TXNDC8: variants seen among roughly 807,000 people sequenced by gnomAD.
The protein encoded by TXNDC8 is thioredoxin domain containing 8, also known as thioredoxin domain-containing protein 8.
Under a neutral mutation model 12.9 loss-of-function variants are expected in TXNDC8, and 15 were observed. The ratio of observed to expected loss-of-function variants is 1.16; its 90% CI spans 0.78 to 1.79. The LOEUF (loss-of-function observed/expected upper bound fraction) is 1.79, where lower values mean the gene tolerates loss of function less well. TXNDC8 is among the 40% of genes most tolerant of loss of function. The probability of loss-of-function intolerance (pLI) is 0.00; values close to 1 mark genes in which losing one functional copy is unlikely to be tolerated. For missense variants in TXNDC8, 128 were observed against 113.2 expected (o/e 1.13, Z -0.59); for synonymous variants, 40 against 35.4 (o/e 1.13, Z -0.46).
chr9:110,328,353 G>T (rs1044255745), intron 2 of TXNDC8, among the ~76,000 whole-genome samples: 1 of 152,192 alleles, frequency 6.6e-6, no homozygotes, highest in Middle Eastern at 3.4e-3. Flanking sequence ...ATTATTTTTT[G>T]GGGGGATGGG....
At chr9:110,326,576 C>T (rs1246385908) in intron 2 of TXNDC8, among the ~76,000 whole-genome samples, 1 of 151,940 alleles carries the variant, frequency 6.6e-6, no homozygotes, top group Non-Finnish European at 1.5e-5. Flanking sequence ...ACAGAGGGGC[C>T]CCAGTGGAAC....
chr9:110,306,777 T>C (rs549735047), intron 3 of TXNDC8, among the ~76,000 whole-genome samples: 18 of 152,294 alleles, frequency 1.2e-4, no homozygotes, highest in African/African-American at 4.3e-4. Context: ...TTGCTATTCT[T>C]AACTATCCCT....
At chr9:110,307,956 C>A (rs965842873) in intron 3 of TXNDC8, among the ~76,000 whole-genome samples, 8 of 152,218 alleles carry the variant, frequency 5.3e-5, no homozygotes, top group African/African-American at 1.7e-4. Flanking sequence ...TCAACCTTGG[C>A]AAAATAAACT....
intron 3 of TXNDC8, among the ~76,000 whole-genome samples, chr9:110,324,315 C>A (rs1413806707): frequency 6.6e-6 from 1 of 152,096 alleles, no homozygotes; most frequent in Admixed American, 6.5e-5. Context: ...TGTTAAATAA[C>A]TTTAATTTTC....
intron 1 of TXNDC8, among the ~76,000 whole-genome samples, chr9:110,334,855 A>G (rs1839685936): frequency 6.6e-6 from 1 of 151,966 alleles, no homozygotes; most frequent in Non-Finnish European, 1.5e-5. Context: ...AAAGGAGAAG[A>G]ATTAATCTCA....
intron 2 of TXNDC8, among the ~76,000 whole-genome samples, chr9:110,333,639 A>C (rs1007624566): frequency 3.9e-5 from 6 of 152,198 alleles, no homozygotes; most frequent in Non-Finnish European, 5.9e-5. Flanking sequence ...ATGGATTTTG[A>C]TTGTGGTGAT....
intron 1 of TXNDC8, 55 bp from the exon 2 acceptor site, chr9:110,334,375 T>G (rs1839669480): frequency 6.8e-7 from 1 of 1,474,142 alleles, no homozygotes; most frequent in African/African-American, 1.4e-5. Context: ...CTCATGACAT[T>G]TTGTAGAGAA....
chr9:110,314,493 CG>C (rs1838807046), intron 3 of TXNDC8, among the ~76,000 whole-genome samples: 1 of 146,654 alleles, frequency 6.8e-6, no homozygotes. Context: ...AGTGCAGTGG[CG>C]CGATCTCGGC....
In TXNDC8 at chr9:110,316,966, A is replaced by G. The variant is rs1838906885; in HGVS notation, c.195+9209T>C. On this transcript the variant is annotated intron_variant, in intron 3 of 4. Transcript: ENST00000423740. Reference sequence around the variant, plus strand: ...TTCCAGTGAAAGTTTATTTACAAAAACAAGTGGAGGGTCGGATATGGCCCT... The same window carrying G: ...TTCCAGTGAAAGTTTATTTACAAAAGCAAGTGGAGGGTCGGATATGGCCCT... 2.0e-5 allele frequency among the ~76,000 whole-genome samples: 3 copies of G among 152,226 alleles called. No individual in the cohort carries two copies. The South Asian group carries it at 6.2e-4, about 31-fold the overall frequency.
At chr9:110,321,299 A>G (rs1415162892) in intron 3 of TXNDC8, among the ~76,000 whole-genome samples, 3 of 152,132 alleles carry the variant, frequency 2.0e-5, no homozygotes, top group African/African-American at 7.2e-5. Flanking sequence ...GCCATGGCAA[A>G]AAGAGAAGCC....
intron 1 of TXNDC8, among the ~76,000 whole-genome samples, 200 bp from the exon 2 acceptor site, chr9:110,334,520 A>T (rs1839674093): frequency 6.6e-6 from 1 of 152,178 alleles, no homozygotes; most frequent in African/African-American, 2.4e-5. Flanking sequence ...CTGGGATTAC[A>T]GGTGTGAGCC....
chr9:110,323,843 C>T (rs73526779), intron 3 of TXNDC8: 48,330 of 1,544,822 alleles, frequency 0.031, 1,163 homozygotes, highest in African/African-American at 0.12. Context: ...TTCCCAAATT[C>T]AAATCCAGTG....
intron 3 of TXNDC8, among the ~76,000 whole-genome samples, chr9:110,321,596 G>C (rs369478015): frequency 6.6e-6 from 1 of 152,098 alleles, no homozygotes; most frequent in African/African-American, 2.4e-5. Context: ...TCAGTTTTCA[G>C]TTGCGCTGTC....
At chr9:110,318,297 A>G (rs1426596682) in intron 3 of TXNDC8, among the ~76,000 whole-genome samples, 2 of 152,072 alleles carry the variant, frequency 1.3e-5, no homozygotes, top group African/African-American at 4.8e-5. Flanking sequence ...TTTTCTCTGT[A>G]TTCTTTGCTG....
At chr9:110,335,541 A>G (rs749911879) in intron 1 of TXNDC8, among the ~76,000 whole-genome samples, 1 of 152,192 alleles carries the variant, frequency 6.6e-6, no homozygotes, top group Non-Finnish European at 1.5e-5. Flanking sequence ...TTACAACAAC[A>G]CTACAACGTG....
At chr9:110,323,303 T>C (rs1318936552) in intron 3 of TXNDC8, 18 of 985,124 alleles carry the variant, frequency 1.8e-5, no homozygotes, top group Non-Finnish European at 2.2e-5. Flanking sequence ...TATTTGACTA[T>C]AACAGGAGAC....
chr9:110,318,623 A>G (rs1157636011), intron 3 of TXNDC8, among the ~76,000 whole-genome samples: 2 of 152,132 alleles, frequency 1.3e-5, no homozygotes, highest in Non-Finnish European at 2.9e-5. Flanking sequence ...CTGTAGTCCC[A>G]GCTACTTGGG....
rs2025843 is a variant in TXNDC8 at position 110,334,670 on chromosome 9, C to T, written c.25-350G>A. The stretch of plus-strand genomic sequence containing the variant: ...TACATAAAAATCATGGAAGTCTATG[C>T]ACCAAAAAGGTTGGTAATGGAAGTT... On this transcript the variant is annotated intron_variant, in intron 1 of 4. Coordinates refer to ENST00000423740, the MANE Select transcript of TXNDC8 (RefSeq NM_001286946.2). 3.8e-3 allele frequency among the ~76,000 whole-genome samples: 579 copies of T among 152,246 alleles called. 6 individuals are homozygous for T. The highest frequency in any genetic ancestry group is 0.013 in the African/African-American group (556 of 41,536).
intron 2 of TXNDC8, among the ~76,000 whole-genome samples, chr9:110,329,836 C>A (rs530827055): frequency 1.3e-5 from 2 of 152,244 alleles, no homozygotes; most frequent in Admixed American, 1.3e-4. Context: ...CTGTGCTCTA[C>A]TATGTGTGGA....
Sources: allele counts gnomAD v4.1 joint callset (sites outside exome capture counted in the v4.1 genomes callset), GRCh38; gene constraint gnomAD v4.1.1; transcripts MANE v1.5; gene names NCBI Gene and HGNC (gene_info 2026-07-23, HGNC 2026-07-21).